Variants in TOX2 observed in about 807,000 individuals in gnomAD.
TOX2 encodes granulosa cell HMG box 1.
Under a neutral mutation model 47.4 loss-of-function variants are expected in TOX2, and 15 were observed. The observed-to-expected ratio is 0.32, with a 90% CI of 0.21 to 0.49. The LOEUF is 0.49. Among genes scored for constraint, TOX2 ranks in the 20% least tolerant of loss-of-function variants. The pLI is 0.99. For synonymous variants in TOX2, 290 were observed against 296.6 expected (o/e 0.98, Z 0.23); for missense variants, 622 against 673.1 (o/e 0.92, Z 0.84).
intron 4 of TOX2, among the ~76,000 whole-genome samples, chr20:44,051,896 G>T (rs1046755649): frequency 1.6e-4 from 24 of 152,294 alleles, no homozygotes; most frequent in African/African-American, 5.5e-4. Context: ...GTTCCCTCGG[G>T]GCTCCCACAG....
chr20:44,036,396 C>T (rs550117396), intron 3 of TOX2, among the ~76,000 whole-genome samples: 1 of 152,296 alleles, frequency 6.6e-6, no homozygotes, highest in Non-Finnish European at 1.5e-5. Flanking sequence ...CCAGCTGTGC[C>T]GCCTACGGCC....
intron 3 of TOX2, among the ~76,000 whole-genome samples, chr20:44,028,244 C>G (rs943547177): frequency 1.3e-5 from 2 of 151,936 alleles, no homozygotes; most frequent in African/African-American, 4.8e-5. Context: ...AGGAGGCCAA[C>G]TGGTCCCAGG....
At chr20:43,961,188 G>A (rs558719848) in intron 1 of TOX2, among the ~76,000 whole-genome samples, 22 of 152,374 alleles carry the variant, frequency 1.4e-4, no homozygotes, top group African/African-American at 4.3e-4. Context: ...AAGGAGGACA[G>A]CACAGGAGTT....
At chr20:44,059,063 T>C (rs2071672131) in intron 5 of TOX2, among the ~76,000 whole-genome samples, 1 of 152,162 alleles carries the variant, frequency 6.6e-6, no homozygotes, top group African/African-American at 2.4e-5. Flanking sequence ...ATTCAGAAGG[T>C]TGATTGTTAA....
intron 3 of TOX2, among the ~76,000 whole-genome samples, chr20:44,041,356 C>T (rs898734241): frequency 7.2e-5 from 11 of 152,182 alleles, no homozygotes; most frequent in South Asian, 2.1e-4. Flanking sequence ...GGGGCGGGGT[C>T]CGGCACCGAC....
At chr20:44,025,160 TTTATTA>T (rs902583554) in intron 3 of TOX2, among the ~76,000 whole-genome samples, 14 of 152,032 alleles carry the variant, frequency 9.2e-5, no homozygotes, top group Non-Finnish European at 1.9e-4. Context: ...TTTAAAAAAT[TTTATTA>T]TTATTATATT....
Position 44,069,271 on chromosome 20 carries a change from T to C in TOX2, c.*585T>C, listed in dbSNP as rs1019459102. The C allele has an allele frequency of 5.1e-6, 1 of 197,158 alleles. No individual in the cohort carries two copies. Among genetic ancestry groups the C allele is most frequent in the Non-Finnish European group, 1.1e-5 (1 of 93,834 alleles). 12.2% of individuals were successfully genotyped at this position (197,158 alleles called of 1,614,324 possible). Reference sequence around the variant, plus strand: ...AGCATTTTATATGATCCTTAGCACATTTTTAAGTTTTATCTTAAGGGAGAC... The same window carrying C: ...AGCATTTTATATGATCCTTAGCACACTTTTAAGTTTTATCTTAAGGGAGAC... On this transcript the variant is annotated 3_prime_UTR_variant, in exon 9 of 9. Transcript: ENST00000341197.
At position 43,922,249 on chromosome 20, in the gene TOX2, T is replaced by G. The variant is rs2069120026; in HGVS notation, c.99+7259T>G. Reference sequence around the variant, plus strand: ...ATTGACATTTTGGACCTAATAACATTGTTGTGGGAGTTGCTGCATGCATTG... The same window carrying G: ...ATTGACATTTTGGACCTAATAACATGGTTGTGGGAGTTGCTGCATGCATTG... On this transcript the variant is annotated intron_variant, in intron 1 of 8. Transcript: ENST00000341197. Among the ~76,000 whole-genome samples, 7 of 152,312 alleles carry G rather than the reference T, an allele frequency of 4.6e-5. 1 individual carries two copies. The South Asian group carries it at 1.5e-3, about 32-fold the overall frequency.
Position 43,965,767 on chromosome 20 carries a change from G to T in TOX2, c.100-7600G>T, listed in dbSNP as rs534550651. ...CCCAGGACCAAGAGTGGGAGCAAAT[G>T]GGTAGAAGACATGGGAGGGACAGGG... On this transcript the variant is annotated intron_variant, in intron 1 of 8. Coordinates refer to ENST00000341197, the MANE Select transcript of TOX2 (RefSeq NM_001098797.2). Among the ~76,000 whole-genome samples, 347 of 152,324 alleles carry T rather than the reference G, an allele frequency of 2.3e-3. 2 individuals are homozygous for T. The highest frequency in any genetic ancestry group is 7.8e-3 in the African/African-American group (323 of 41,566).
intron 4 of TOX2, among the ~76,000 whole-genome samples, chr20:44,052,581 A>C (rs939484279): frequency 6.6e-6 from 1 of 152,198 alleles, no homozygotes; most frequent in Admixed American, 6.5e-5. Context: ...ATTATAGTCC[A>C]TGCAGGAACG....
At chr20:43,975,552 C>T (rs2070060813) in intron 2 of TOX2, among the ~76,000 whole-genome samples, 2 of 152,264 alleles carry the variant, frequency 1.3e-5, no homozygotes, top group South Asian at 2.1e-4. Flanking sequence ...AGCTCAGACT[C>T]GGAGCTCCAC....
At chr20:44,050,488 G>C (rs1001544706) in intron 3 of TOX2, among the ~76,000 whole-genome samples, 10 of 152,304 alleles carry the variant, frequency 6.6e-5, no homozygotes, top group Non-Finnish European at 1.3e-4. Flanking sequence ...AAAATCGTAA[G>C]AGTATGCAAA....
intron 2 of TOX2, among the ~76,000 whole-genome samples, chr20:43,976,932 A>G (rs1308539407): frequency 6.6e-6 from 1 of 152,204 alleles, no homozygotes; most frequent in Non-Finnish European, 1.5e-5. Context: ...CACAGCCACT[A>G]GAGGATTCAG....
intron 1 of TOX2, among the ~76,000 whole-genome samples, chr20:43,918,336 C>T (rs1041939042): frequency 1.3e-5 from 2 of 152,118 alleles, no homozygotes; most frequent in African/African-American, 2.4e-5. Flanking sequence ...GATTTACATA[C>T]AATAACATGA....
At position 43,981,936 on chromosome 20, in the gene TOX2, T is replaced by A. The variant is rs1032175921; in HGVS notation, c.165+8504T>A. ...TGAAGATTCCATAGAAGGGATTTTC[T>A]TTTTTTTTTTTTTTTAAAGAAAAGT... On this transcript the variant is annotated intron_variant, in intron 2 of 8. Coordinates refer to ENST00000341197, the MANE Select transcript of TOX2 (RefSeq NM_001098797.2). 1.2e-3 allele frequency among the ~76,000 whole-genome samples: 77 copies of A among 66,304 alleles called. 1 individual carries two copies. Among genetic ancestry groups the A allele is most frequent in the African/African-American group, 6.1e-3 (70 of 11,464 alleles). 43.5% of individuals were successfully genotyped at this position (66,304 alleles called of 152,430 possible).
At position 43,938,193 on chromosome 20, in the gene TOX2, T is replaced by C. The variant is rs577621657; in HGVS notation, c.99+23203T>C. Among the ~76,000 whole-genome samples, 12 of 152,238 alleles carry C rather than the reference T, an allele frequency of 7.9e-5. No individual in the cohort carries two copies. The South Asian group carries it at 8.3e-4, about 11-fold the overall frequency. On this transcript the variant is annotated intron_variant, in intron 1 of 8. Transcript: ENST00000341197. ...GTGGAACTTTCTTCCCCAGAATAAA[T>C]AGAAACCATGGCAACCGGGATATGT...
chr20:43,957,082 A>G (rs1345878476), intron 1 of TOX2, among the ~76,000 whole-genome samples: 1 of 152,210 alleles, frequency 6.6e-6, no homozygotes, highest in Non-Finnish European at 1.5e-5. Flanking sequence ...GAATCTGTCA[A>G]TCTCTCTTCC....
At chr20:44,025,474 G>A (rs1569108223) in intron 3 of TOX2, among the ~76,000 whole-genome samples, 1 of 151,488 alleles carries the variant, frequency 6.6e-6, no homozygotes, top group Non-Finnish European at 1.5e-5. Context: ...CAGCAGCTGG[G>A]GGACAGGTTG....
At chr20:43,954,085 T>A (rs2069626431) in intron 1 of TOX2, among the ~76,000 whole-genome samples, 1 of 152,214 alleles carries the variant, frequency 6.6e-6, no homozygotes, top group African/African-American at 2.4e-5. Flanking sequence ...GGGCTTCCCA[T>A]CTGGGATGAA....
Sources: allele counts gnomAD v4.1 joint callset (sites outside exome capture counted in the v4.1 genomes callset), GRCh38; gene constraint gnomAD v4.1.1; transcripts MANE v1.5; gene names NCBI Gene and HGNC (gene_info 2026-07-23, HGNC 2026-07-21).